PCDH15: variants seen among roughly 807,000 people sequenced by gnomAD.
PCDH15 encodes protocadherin related 15, also known as protocadherin-15.
A neutral mutation model predicts 178.5 loss-of-function variants in PCDH15; 129 were observed. That is an observed-to-expected ratio of 0.72 (90% CI 0.63 to 0.84). The LOEUF (loss-of-function observed/expected upper bound fraction) is 0.84, where lower values mean the gene tolerates loss of function less well. Among genes scored for constraint, PCDH15 ranks in the 40% least tolerant of loss-of-function variants. The pLI, the probability that PCDH15 is intolerant of heterozygous loss-of-function variation, is 0.00. For missense variants in PCDH15, 2,230 were observed against 2,099.9 expected (o/e 1.06, Z -1.21); for synonymous variants, 800 against 732.0 (o/e 1.09, Z -1.50).
At chr10:54,203,734 A>G (rs1026703024) in intron 10 of PCDH15, among the ~76,000 whole-genome samples, 1 of 152,152 alleles carries the variant, frequency 6.6e-6, no homozygotes, top group Non-Finnish European at 1.5e-5. Context: ...TTCAATATAC[A>G]AGGGTGTAAT....
At chr10:54,832,914 A>C in intron 3 of PCDH15, among the ~76,000 whole-genome samples, 1 of 152,298 alleles carries the variant, frequency 6.6e-6, no homozygotes, top group Middle Eastern at 3.4e-3. Context: ...ATTTTATGTA[A>C]CATTTTGCAG....
chr10:54,672,243 G>A (rs889307312), intron 1 of PCDH15, among the ~76,000 whole-genome samples: 8 of 151,514 alleles, frequency 5.3e-5, no homozygotes, highest in Non-Finnish European at 1.0e-4. Flanking sequence ...AATAGAAATA[G>A]AGTGTATAAT....
chr10:54,551,962 T>G (rs1455683482), intron 2 of PCDH15, among the ~76,000 whole-genome samples: 1 of 152,024 alleles, frequency 6.6e-6, no homozygotes, highest in Non-Finnish European at 1.5e-5. Context: ...AAAAGCATGC[T>G]AATATAATTT....
chr10:54,215,623 C>A (rs2051936060), intron 9 of PCDH15, among the ~76,000 whole-genome samples: 1 of 152,136 alleles, frequency 6.6e-6, no homozygotes, highest in African/African-American at 2.4e-5. Flanking sequence ...CCTTTCCTAA[C>A]TATGGCTCAA....
At chr10:54,757,730 GAGAGAGAGAC>G (rs1207890626) in intron 1 of PCDH15, among the ~76,000 whole-genome samples, 8 of 152,070 alleles carry the variant, frequency 5.3e-5, no homozygotes, top group Non-Finnish European at 1.0e-4. Context: ...TATTTATGCC[GAGAGAGAGAC>G]AGAGAGAGAG....
chr10:54,936,403 G>T (rs1837908894), intron 2 of PCDH15, among the ~76,000 whole-genome samples: 1 of 151,912 alleles, frequency 6.6e-6, no homozygotes, highest in Non-Finnish European at 1.5e-5. Context: ...TCTAGGAGTG[G>T]AATTGCTCTG....
At chr10:54,635,280 C>T (rs1232479325) in intron 2 of PCDH15, among the ~76,000 whole-genome samples, 1 of 151,484 alleles carries the variant, frequency 6.6e-6, no homozygotes, top group Non-Finnish European at 1.5e-5. Flanking sequence ...ATGTAAAATA[C>T]ATGCTTATTT....
chr10:54,689,399 T>C (rs2095073958), intron 1 of PCDH15, among the ~76,000 whole-genome samples: 1 of 152,270 alleles, frequency 6.6e-6, no homozygotes, highest in African/African-American at 2.4e-5. Context: ...CAGAAACTGT[T>C]GATCTCCAAA....
At chr10:54,915,070 A>C (rs1232743890) in intron 2 of PCDH15, among the ~76,000 whole-genome samples, 1 of 152,242 alleles carries the variant, frequency 6.6e-6, no homozygotes, top group African/African-American at 2.4e-5. Flanking sequence ...AAACAGTCAT[A>C]GTATCTACCG....
intron 1 of PCDH15, among the ~76,000 whole-genome samples, chr10:55,307,150 T>G (rs1588898099): frequency 1.3e-5 from 2 of 152,120 alleles, no homozygotes; most frequent in Admixed American, 1.3e-4. Flanking sequence ...AAATATCAGA[T>G]ATTTTAAAAA....
At chr10:54,755,693 G>A (rs548924589) in intron 1 of PCDH15, among the ~76,000 whole-genome samples, 1 of 151,524 alleles carries the variant, frequency 6.6e-6, no homozygotes, top group South Asian at 2.1e-4. Context: ...CATACATAAA[G>A]ATCTAACTGT....
At chr10:55,060,132 G>T (rs987608162) in intron 2 of PCDH15, among the ~76,000 whole-genome samples, 2 of 151,902 alleles carry the variant, frequency 1.3e-5, no homozygotes, top group Non-Finnish European at 2.9e-5. Context: ...CATATGATTC[G>T]TGAAAATATT....
At chr10:54,282,531 G>A (rs937830617) in intron 8 of PCDH15, among the ~76,000 whole-genome samples, 2 of 152,034 alleles carry the variant, frequency 1.3e-5, no homozygotes, top group Non-Finnish European at 2.9e-5. Flanking sequence ...TTATTCAAAT[G>A]TATATTTAAC....
At chr10:53,974,906 T>C (rs1172306935) in intron 21 of PCDH15, among the ~76,000 whole-genome samples, 1 of 151,958 alleles carries the variant, frequency 6.6e-6, no homozygotes, top group Non-Finnish European at 1.5e-5. Context: ...ACTCAATATG[T>C]AGTTTTTCAG....
rs1298652587 is a variant in PCDH15, at chr10:53,827,615, C to T, written c.4212-67G>A. On this transcript the variant is annotated intron_variant, in intron 31 of 37. Coordinates refer to ENST00000644397, the MANE Select transcript of PCDH15 (RefSeq NM_001384140.1). ...ATCATAATGCTTATCAATAAGCCAC[C>T]TTTTAATAATGGGGTCCAGTTATCA... The T allele has an allele frequency of 1.9e-6, 3 of 1,573,344 alleles. No individual in the cohort carries two copies. The African/African-American group carries it at 4.1e-5, about 21-fold the overall frequency.
At chr10:55,109,213 A>C (rs1837433220) in intron 2 of PCDH15, among the ~76,000 whole-genome samples, 1 of 152,216 alleles carries the variant, frequency 6.6e-6, no homozygotes, top group Non-Finnish European at 1.5e-5. Flanking sequence ...GTATTTAGGA[A>C]CTAAGATTCA....
chr10:54,752,229 C>T (rs1189034834), intron 1 of PCDH15, among the ~76,000 whole-genome samples: 1 of 151,818 alleles, frequency 6.6e-6, no homozygotes, highest in Admixed American at 6.6e-5. Context: ...GTAATCCCAG[C>T]ACTTTGGGAG....
intron 2 of PCDH15, among the ~76,000 whole-genome samples, chr10:55,606,980 AT>A (rs1843234944): frequency 6.6e-6 from 1 of 151,330 alleles, no homozygotes; most frequent in African/African-American, 2.4e-5. Flanking sequence ...ATGGGAGAAA[AT>A]TTTCACAACC....
At chr10:55,240,686 T>C (rs1278036733) in intron 1 of PCDH15, among the ~76,000 whole-genome samples, 4 of 152,228 alleles carry the variant, frequency 2.6e-5, no homozygotes, top group African/African-American at 9.6e-5. Context: ...CTGATGTTTT[T>C]ATGACAGTTC....
Sources: gnomAD v4.1 joint callset for allele counts (sites outside exome capture counted in the v4.1 genomes callset) on GRCh38, gnomAD v4.1.1 for gene constraint, MANE v1.5 for transcripts, NCBI Gene and HGNC (gene_info 2026-07-23, HGNC 2026-07-21) for gene names.